The following PIF1 variants were observed in gnomAD, a reference collection of about 807,000 sequenced individuals.
PIF1 encodes ATP-dependent DNA helicase PIF1.
PIF1 carries 67 observed loss-of-function variants against 62.3 expected under a neutral mutation model. The ratio of observed to expected loss-of-function variants is 1.08; its 90% CI spans 0.88 to 1.32. The LOEUF (loss-of-function observed/expected upper bound fraction) is 1.32. Among genes scored for constraint, PIF1 ranks in the 40% most tolerant of loss-of-function variants. The pLI, the probability that PIF1 is intolerant of heterozygous loss-of-function variation, is 0.00. For missense variants in PIF1, 886 were observed against 866.1 expected (o/e 1.02, Z -0.29); for synonymous variants, 364 against 379.5 (o/e 0.96, Z 0.47).
At chr15:64,818,137 T>C (rs1436081694) in intron 10 of PIF1, 46 bp from the exon 11 acceptor site, 5 of 1,612,218 alleles carry the variant, frequency 3.1e-6, no homozygotes, top group African/African-American at 1.3e-5. Flanking sequence ...GCTTCAGGGC[T>C]CTGAGGTGAG....
chr15:64,821,358 C>T lies in PIF1; in HGVS notation c.971+9G>A. On this transcript the variant is annotated intron_variant, in intron 5 of 12. Coordinates refer to ENST00000559239, the MANE Select transcript of PIF1 (RefSeq NM_001286496.2). ...CAGTTCTCACCTGCTGCCCTCTGAA[C>T]ATACTGACCTGGCCACGGCCTCCAG... is the stretch of plus-strand genomic sequence containing the variant. 1 of 1,613,914 alleles carries T rather than the reference C, an allele frequency of 6.2e-7. No homozygotes were observed.
Position 64,816,315 on chromosome 15 carries a change from T to C in PIF1, c.1909A>G (p.Met637Val), listed in dbSNP as rs746084834. The change falls in exon 13 of 13, where the codon ATG becomes GTG. Residue 637 changes from methionine to valine, a missense_variant. Coordinates refer to ENST00000559239, the MANE Select transcript of PIF1 (RefSeq NM_001286496.2). ...DDEAASDQEN[M>V]DPIL Reference sequence around the variant, plus strand: ...GGTGAGGCTCAGAGGATTGGGTCCATGTTCTCCTGGTCTGAGGCTGCCTCA... The same window carrying C: ...GGTGAGGCTCAGAGGATTGGGTCCACGTTCTCCTGGTCTGAGGCTGCCTCA... 8.7e-6 allele frequency: 14 copies of C among 1,613,964 alleles called. No homozygotes were observed. In the Admixed American group the frequency reaches 2.0e-4, roughly 23 times the overall value.
At position 64,820,991 on chromosome 15, in the gene PIF1, C is replaced by A; in HGVS notation, c.1184G>T (p.Arg395Met). Reference protein sequence around the residue: ...QTFISLLQAVRLGRCSDEVTR... With the variant: ...QTFISLLQAVMLGRCSDEVTR... ...AACCAGCAGAGCTCACCTGCCTAGC[C>A]TCACGGCCTGCAGTAGAGAGATGAA... The change falls in exon 7 of 13, where the codon AGG becomes ATG. Residue 395 changes from arginine to methionine, a missense_variant. Arg to Met is a moderately conservative substitution (Grantham distance 91). Transcript: ENST00000559239. 1 of 1,613,948 alleles carries A rather than the reference C, an allele frequency of 6.2e-7. No individual in the cohort carries two copies. The highest frequency in any genetic ancestry group is 1.7e-5 in the Admixed American group (1 of 60,016).
chr15:64,816,771 G>A lies in PIF1; in HGVS notation c.1675-6C>T, dbSNP rs578002193. ...ACACAATCCAGGGTCATGCCCTGGG[G>A]GATGCAGGGACAGAGATGGAGTCAG... is the stretch of plus-strand genomic sequence containing the variant. On this transcript the variant is annotated splice_polypyrimidine_tract_variant and splice_region_variant and intron_variant, in intron 11 of 12. Coordinates refer to ENST00000559239, the MANE Select transcript of PIF1 (RefSeq NM_001286496.2). The A allele has an allele frequency of 6.0e-5, 95 of 1,575,998 alleles. No individual in the cohort carries two copies. The highest frequency in any genetic ancestry group is 7.1e-5 in the Non-Finnish European group (83 of 1,161,038).
At position 64,816,566 on chromosome 15, in the gene PIF1, C is replaced by A; in HGVS notation, c.1866+8G>T. The A allele has an allele frequency of 6.2e-7, 1 of 1,612,826 alleles. No individual in the cohort carries two copies. The highest frequency in any genetic ancestry group is 8.5e-7 in the Non-Finnish European group (1 of 1,179,648). Reference sequence around the variant, plus strand: ...GCCACAGCCCACCACTGGATGACTCCCTCTTACCAGACTGAGGCTCCTGCC... The same window carrying A: ...GCCACAGCCCACCACTGGATGACTCACTCTTACCAGACTGAGGCTCCTGCC... On this transcript the variant is annotated splice_region_variant and intron_variant, in intron 12 of 12. Coordinates refer to ENST00000559239, the MANE Select transcript of PIF1 (RefSeq NM_001286496.2).
chr15:64,822,111 G>T, intron 4 of PIF1, 155 bp downstream of exon 4: 1 of 945,684 alleles, frequency 1.1e-6, no homozygotes, highest in Non-Finnish European at 1.6e-6. Context: ...CTGGGCTCAA[G>T]CGATCCTCCC....
chr15:64,816,938 C>T (rs542549213), intron 11 of PIF1, among the ~76,000 whole-genome samples, 173 bp from the exon 12 acceptor site: 4 of 152,192 alleles, frequency 2.6e-5, no homozygotes, highest in East Asian at 1.9e-4. Context: ...GGAGGGGGAC[C>T]GGGAGACAGA....
chr15:64,821,131 C>A (rs1374020233), intron 6 of PIF1, 36 bp downstream of exon 6: 2 of 1,613,206 alleles, frequency 1.2e-6, no homozygotes, highest in African/African-American at 1.3e-5. Context: ...GCAGAGCAGA[C>A]CCCCAAGGAG....
At chr15:64,820,438 C>T (rs1482148697) in intron 7 of PIF1, among the ~76,000 whole-genome samples, 1 of 152,222 alleles carries the variant, frequency 6.6e-6, no homozygotes, top group African/African-American at 2.4e-5. Context: ...CGCTCTGTCA[C>T]CAGGCTGCAG....
At position 64,824,998 on chromosome 15, in the gene PIF1, T is replaced by TAC. The variant is rs534129428; in HGVS notation, c.-20+569_-20+570dup. On this transcript the variant is annotated intron_variant, in intron 1 of 12. Transcript: ENST00000559239. ...AATATATATACAATTTCTATATATA[T>TAC]ACACACACACACACACACACATATA... Among the ~76,000 whole-genome samples the TAC allele has an allele frequency of 4.8e-3, 708 of 146,600 alleles. 2 individuals carry two copies. The highest frequency in any genetic ancestry group is 0.015 in the African/African-American group (589 of 39,422).
chr15:64,825,366 C>T (rs1368854774), intron 1 of PIF1, among the ~76,000 whole-genome samples: 1 of 152,170 alleles, frequency 6.6e-6, no homozygotes, highest in Non-Finnish European at 1.5e-5. Flanking sequence ...CTTCATAAGC[C>T]ACAGCGGCTA....
In PIF1 at chr15:64,823,902, C is replaced by A. The variant is rs763549463; in HGVS notation, c.434G>T (p.Arg145Leu). The change falls in exon 2 of 13, where the codon CGC becomes CTC. Residue 145 changes from arginine (R) to leucine (L), a missense_variant. Coordinates refer to ENST00000559239, the MANE Select transcript of PIF1 (RefSeq NM_001286496.2). ...ARAQLLGPRP[R>L]DFVTISPVQP... Reference sequence around the variant, plus strand: ...CACAGGGCTGATGGTGACGAAGTCGCGGGGCCGCGGGCCCAGCAGCTGCGC... The same window carrying A: ...CACAGGGCTGATGGTGACGAAGTCGAGGGGCCGCGGGCCCAGCAGCTGCGC... 3.7e-6 allele frequency: 5 copies of A among 1,364,026 alleles called. No individual in the cohort carries two copies. In the East Asian group the frequency reaches 1.1e-4, roughly 31 times the overall value. 84.5% of individuals were successfully genotyped at this position (1,364,026 alleles called of 1,614,324 possible).
chr15:64,822,440 C>T, intron 3 of PIF1, 38 bp downstream of exon 3: 1 of 1,614,124 alleles, frequency 6.2e-7, no homozygotes, highest in Admixed American at 1.7e-5. Flanking sequence ...CTATCCCACC[C>T]CACCACTGTC....
At chr15:64,826,665 T>TATATATATACATACACAC (rs796684934), upstream of PIF1, among the ~76,000 whole-genome samples, 3 of 42,792 alleles carry the variant, frequency 7.0e-5, no homozygotes, top group African/African-American at 2.8e-4. Flanking sequence ...TATATATATA[T>TATATATATACATACACAC]ACACACACAC....
At position 64,821,056 on chromosome 15, in the gene PIF1, G is replaced by A. The variant is rs991786132; in HGVS notation, c.1119C>T (p.Thr373=). 1 of 1,614,000 alleles carries A rather than the reference G, an allele frequency of 6.2e-7. No individual in the cohort carries two copies. Among genetic ancestry groups the A allele is most frequent in the African/African-American group, 1.3e-5 (1 of 74,894 alleles). Residue 373 remains threonine, a synonymous_variant, in exon 7 of 13, where the codon ACC becomes ACT. Coordinates refer to ENST00000559239, the MANE Select transcript of PIF1 (RefSeq NM_001286496.2). The part of the protein sequence containing the change: ...SKSWKRCVPV[T]LELTKVWRQA... ...GCCTCCACACCTTGGTCAGCTCCAGGGTCACTGGCACACACCTCTTCCAGC... is the reference window on the plus strand; with the variant it reads ...GCCTCCACACCTTGGTCAGCTCCAGAGTCACTGGCACACACCTCTTCCAGC...
At position 64,816,633 on chromosome 15, in the gene PIF1, A is replaced by C. The variant is rs2084188648; in HGVS notation, c.1807T>G (p.Cys603Gly). The C allele has an allele frequency of 1.9e-6, 3 of 1,614,038 alleles. No homozygotes were observed. Among genetic ancestry groups the C allele is most frequent in the African/African-American group, 1.3e-5 (1 of 75,064 alleles). Residue 603 changes from cysteine (C) to glycine (G), a missense_variant, in exon 12 of 13, where the codon TGT becomes GGT. Physicochemically the swap from Cys to Gly is radical, Grantham distance 159. Transcript: ENST00000559239. ...VLDFDPMAVR[C>G]DPRVLHFYAT... ...TAGAAGTGCAGCACACGGGGGTCAC[A>C]GCGAACCGCCATGGGGTCAAAGTCC...
chr15:64,824,488 C>G, intron 1 of PIF1, 134 bp from the exon 2 acceptor site: 3 of 534,818 alleles, frequency 5.6e-6, no homozygotes, highest in Non-Finnish European at 8.5e-6. Context: ...AGGACTGTCA[C>G]TGGTAACACA....
Position 64,820,006 on chromosome 15 carries a change from AG to A in PIF1, c.1194-21del, listed in dbSNP as rs1219490795. The A allele has an allele frequency of 1.9e-6, 3 of 1,609,808 alleles. No homozygotes were observed. Among genetic ancestry groups the A allele is most frequent in the Non-Finnish European group, 2.5e-6 (3 of 1,177,672 alleles). On this transcript the variant is annotated intron_variant, in intron 7 of 12. Transcript: ENST00000559239. ...GAACACCTGTTGGGGCTGGACTGTC[AG>A]GGCAGAGCCCACCTGTGCAGCAGGG...
Position 64,818,356 on chromosome 15 carries a change from A to G in PIF1, c.1441-12T>C. 6.2e-7 allele frequency: 1 copy of G among 1,613,334 alleles called. No homozygotes were observed. On this transcript the variant is annotated splice_polypyrimidine_tract_variant and intron_variant, in intron 9 of 12. Transcript: ENST00000559239. ...TTCACCAGCATCACCTGCAAGGGAG[A>G]GAGAGGAATGGACAGCAGCCCCCCT... is the stretch of plus-strand genomic sequence containing the variant.
Sources: allele counts gnomAD v4.1 joint callset (sites outside exome capture counted in the v4.1 genomes callset), GRCh38; gene constraint gnomAD v4.1.1; transcripts MANE v1.5; gene names NCBI Gene and HGNC (gene_info 2026-07-23, HGNC 2026-07-21).